Variants in FRAS1 observed in about 807,000 individuals in gnomAD.
FRAS1 encodes the protein extracellular matrix organizing protein FRAS1.
A neutral mutation model predicts 435.2 loss-of-function variants in FRAS1; 290 were observed. That is an observed-to-expected ratio of 0.67 (90% CI 0.61 to 0.73). The LOEUF (loss-of-function observed/expected upper bound fraction) is 0.73. Among genes scored for constraint, FRAS1 ranks in the 30% least tolerant of loss-of-function variants. The pLI is 0.00. For synonymous variants in FRAS1, 1,800 were observed against 1,851.0 expected (o/e 0.97, Z 0.71); for missense variants, 4,860 against 5,001.5 (o/e 0.97, Z 0.85).
chr4:78,230,058 A>G (rs1236161119), intron 2 of FRAS1, among the ~76,000 whole-genome samples: 1 of 152,212 alleles, frequency 6.6e-6, no homozygotes, highest in African/African-American at 2.4e-5. Flanking sequence ...ATTAGCAGCA[A>G]TCTTTTCATC....
chr4:78,314,775 C>G (rs892531704), intron 15 of FRAS1, among the ~76,000 whole-genome samples: 4 of 152,188 alleles, frequency 2.6e-5, no homozygotes, highest in Admixed American at 2.6e-4. Context: ...TCCCTTCAGC[C>G]TGACATGGTC....
At chr4:78,324,143 C>T (rs985315683) in intron 18 of FRAS1, among the ~76,000 whole-genome samples, 6 of 152,134 alleles carry the variant, frequency 3.9e-5, no homozygotes, top group African/African-American at 1.4e-4. Flanking sequence ...TGTTTTTTCT[C>T]ACTGCATGCA....
rs149237062 is a variant in FRAS1 at position 78,077,355 on chromosome 4, C to T, written c.108+11339C>T. Among the ~76,000 whole-genome samples, 367 of 152,180 alleles carry T rather than the reference C, an allele frequency of 2.4e-3. 1 individual carries two copies. Among genetic ancestry groups the T allele is most frequent in the Non-Finnish European group, 4.2e-3 (283 of 68,004 alleles). The stretch of plus-strand genomic sequence containing the variant: ...ACTGCACTCCAGCCTGGGTGACAGA[C>T]GGAGACCCTGTCTCAAAAAACAAAA... On this transcript the variant is annotated intron_variant, in intron 2 of 73. Transcript: ENST00000512123.
chr4:78,255,480 G>T (rs1272037177), intron 6 of FRAS1, 105 bp downstream of exon 6: 5 of 1,199,834 alleles, frequency 4.2e-6, no homozygotes, highest in Non-Finnish European at 5.7e-6. Flanking sequence ...GAAACAAGAA[G>T]CAAAGCCCTT....
At chr4:78,511,575 C>A (rs748600777) in intron 64 of FRAS1, 69 bp downstream of exon 64, 2 of 1,132,646 alleles carry the variant, frequency 1.8e-6, no homozygotes, top group Middle Eastern at 1.9e-4. Context: ...GTGTGTTTCC[C>A]AGGACAATCA....
chr4:78,435,596 C>G, intron 38 of FRAS1, among the ~76,000 whole-genome samples: 1 of 152,004 alleles, frequency 6.6e-6, no homozygotes, highest in Non-Finnish European at 1.5e-5. Flanking sequence ...AAAATTAACC[C>G]AGCATGGTGG....
rs74713187 is a variant in FRAS1, at chr4:78,226,281, C to G, written c.109-11229C>G. 8.3e-3 allele frequency among the ~76,000 whole-genome samples: 1,262 copies of G among 152,168 alleles called. 16 individuals carry two copies. The highest frequency in any genetic ancestry group is 0.029 in the African/African-American group (1,189 of 41,532). ...ATTTAGATCTACCTATATATTTACC[C>G]TATTATTCTAAATTTCTTCCTACAT... On this transcript the variant is annotated intron_variant, in intron 2 of 73. Coordinates refer to ENST00000512123, the MANE Select transcript of FRAS1 (RefSeq NM_025074.7).
At chr4:78,067,326 A>G (rs1160811068) in intron 2 of FRAS1, among the ~76,000 whole-genome samples, 1 of 152,180 alleles carries the variant, frequency 6.6e-6, no homozygotes, top group Non-Finnish European at 1.5e-5. Flanking sequence ...CCAGAACAAG[A>G]CATCCTGTCT....
intron 2 of FRAS1, among the ~76,000 whole-genome samples, chr4:78,096,753 G>T (rs557452209): frequency 1.1e-4 from 17 of 152,300 alleles, no homozygotes; most frequent in Non-Finnish European, 1.9e-4. Flanking sequence ...GTGGACCCTG[G>T]GCCTGGCCCA....
At chr4:78,458,187 A>G (rs1185136176) in intron 47 of FRAS1, among the ~76,000 whole-genome samples, 2 of 152,134 alleles carry the variant, frequency 1.3e-5, no homozygotes, top group Admixed American at 6.5e-5. Flanking sequence ...TCAGTTGTGC[A>G]TGCATCCTCA....
chr4:78,259,558 GT>G (rs1725973755), intron 6 of FRAS1, among the ~76,000 whole-genome samples: 1 of 151,644 alleles, frequency 6.6e-6, no homozygotes, highest in Non-Finnish European at 1.5e-5. Context: ...AGGGTTGTTT[GT>G]TTTTTTCTTG....
At chr4:78,161,742 C>CAAAAAAAAA (rs71214399) in intron 2 of FRAS1, among the ~76,000 whole-genome samples, 689 of 24,956 alleles carry the variant, frequency 0.028, 5 homozygotes, top group East Asian at 0.036. Flanking sequence ...AACTCTGTCT[C>CAAAAAAAAA]AAAAAAAAAA....
chr4:78,220,832 A>G (rs1724019896), intron 2 of FRAS1, among the ~76,000 whole-genome samples: 1 of 152,156 alleles, frequency 6.6e-6, no homozygotes, highest in Non-Finnish European at 1.5e-5. Context: ...CAAGAATACT[A>G]GTAGCATTTT....
intron 2 of FRAS1, among the ~76,000 whole-genome samples, chr4:78,163,541 T>G (rs1721221819): frequency 6.6e-6 from 1 of 152,210 alleles, no homozygotes; most frequent in Non-Finnish European, 1.5e-5. Context: ...TTATGAGCAC[T>G]TTCCAAAAGT....
intron 2 of FRAS1, among the ~76,000 whole-genome samples, chr4:78,213,179 A>C (rs939501021): frequency 6.6e-6 from 1 of 152,264 alleles, no homozygotes; most frequent in African/African-American, 2.4e-5. Context: ...GTGGCCTACC[A>C]TGATTAGAAT....
rs1722037102 is a variant in FRAS1 at position 78,541,063 on chromosome 4, TC to T, written c.11979del (p.Arg3995AspfsTer2). 1 of 1,422,566 alleles carries T rather than the reference TC, an allele frequency of 7.0e-7. No individual in the cohort carries two copies. The highest frequency in any genetic ancestry group is 2.5e-5 in the Admixed American group (1 of 40,552). 88.1% of individuals were successfully genotyped at this position (1,422,566 alleles called of 1,614,324 possible). Reference sequence around the variant, plus strand: ...GCTTACACGTTCAAAGGTGCTAAAGTCAAAAGACTGAATCTAGAAGTCAGAG... The same window carrying T: ...GCTTACACGTTCAAAGGTGCTAAAGTAAAAGACTGAATCTAGAAGTCAGAG... ...EAAYTFKGAK[V>X]KRLNLEVRVH... On this transcript the variant is annotated frameshift_variant, in exon 74 of 74. Coordinates refer to ENST00000512123, the MANE Select transcript of FRAS1 (RefSeq NM_025074.7). LOFTEE classifies it high-confidence loss of function.
Position 78,310,376 on chromosome 4 carries a change from C to G in FRAS1, c.1678+2167C>G, listed in dbSNP as rs571312476. 3.7e-3 allele frequency among the ~76,000 whole-genome samples: 556 copies of G among 152,248 alleles called. 4 individuals are homozygous for G. Among genetic ancestry groups the G allele is most frequent in the African/African-American group, 0.013 (539 of 41,544 alleles). On this transcript the variant is annotated intron_variant, in intron 15 of 73. Coordinates refer to ENST00000512123, the MANE Select transcript of FRAS1 (RefSeq NM_025074.7). ...TACATTATCTGGATTGAGAAGACAA[C>G]TTTTGCTGGAGAAGTGGTGTATTTA...
At position 78,120,181 on chromosome 4, in the gene FRAS1, T is replaced by C. The variant is rs34552897; in HGVS notation, c.108+54165T>C. On this transcript the variant is annotated intron_variant, in intron 2 of 73. Transcript: ENST00000512123. ...ACTGATTTCTTCTGACCAACATATGTGCCAAGTATCTTGAATTTAAACAAA... is the reference window on the plus strand; with the variant it reads ...ACTGATTTCTTCTGACCAACATATGCGCCAAGTATCTTGAATTTAAACAAA... Among the ~76,000 whole-genome samples, 33 of 152,196 alleles carry C rather than the reference T, an allele frequency of 2.2e-4. No individual in the cohort carries two copies. The South Asian group carries it at 6.4e-3, about 30-fold the overall frequency.
At chr4:78,492,555 C>G (rs1240504451) in intron 59 of FRAS1, among the ~76,000 whole-genome samples, 1 of 152,284 alleles carries the variant, frequency 6.6e-6, no homozygotes, top group East Asian at 1.9e-4. Flanking sequence ...AAAGGATTTC[C>G]TACTTAATAA....
Sources: gnomAD v4.1 joint callset for allele counts (sites outside exome capture counted in the v4.1 genomes callset) on GRCh38, gnomAD v4.1.1 for gene constraint, MANE v1.5 for transcripts, NCBI Gene and HGNC (gene_info 2026-07-23, HGNC 2026-07-21) for gene names.